SINHCAF: variants seen among roughly 807,000 people sequenced by gnomAD.
SINHCAF encodes SIN3-HDAC complex-associated factor.
SINHCAF carries 3 observed loss-of-function variants against 25.8 expected under a neutral mutation model. The ratio of observed to expected loss-of-function variants is 0.12; its 90% CI spans 0.05 to 0.30. The LOEUF (loss-of-function observed/expected upper bound fraction) is 0.30, where lower values mean the gene tolerates loss of function less well. SINHCAF is among the 10% of genes least tolerant of loss of function. SINHCAF has a pLI of 1.00. For missense variants in SINHCAF, 121 were observed against 262.3 expected (o/e 0.46, Z 3.72); for synonymous variants, 70 against 85.5 (o/e 0.82, Z 1.00).
chr12:31,300,484 A>G (rs1938742961), intron 1 of SINHCAF, among the ~76,000 whole-genome samples: 1 of 152,218 alleles, frequency 6.6e-6, no homozygotes, highest in Non-Finnish European at 1.5e-5. Context: ...ATGCTTGGGA[A>G]TTTGATGTCT....
intron 4 of SINHCAF, among the ~76,000 whole-genome samples, chr12:31,289,803 T>G (rs372112943): frequency 9.7e-5 from 14 of 144,244 alleles, no homozygotes; most frequent in South Asian, 4.2e-4. Flanking sequence ...AATTTGGGTT[T>G]TTTTTTTTTT....
Position 31,313,351 on chromosome 12 carries a change from C to T in SINHCAF, c.-21+12673G>A, listed in dbSNP as rs185864032. Among the ~76,000 whole-genome samples, 7 of 152,268 alleles carry T rather than the reference C, an allele frequency of 4.6e-5. No homozygotes were observed. The East Asian group carries it at 1.4e-3, about 30-fold the overall frequency. The stretch of plus-strand genomic sequence containing the variant: ...CAAGATCACTCTTTTCTTTATTGCA[C>T]TGCAGTGGTACTGCTGTCATAAATT... On this transcript the variant is annotated intron_variant, in intron 1 of 5. Coordinates refer to ENST00000337682, the MANE Select transcript of SINHCAF (RefSeq NM_001135812.2).
intron 1 of SINHCAF, among the ~76,000 whole-genome samples, chr12:31,314,339 A>C (rs570486258): frequency 1.7e-4 from 26 of 151,964 alleles, no homozygotes; most frequent in Non-Finnish European, 3.1e-4. Context: ...CCTGCCTAAC[A>C]CGGTGAAACC....
At chr12:31,299,320 A>T (rs569586259) in intron 1 of SINHCAF, among the ~76,000 whole-genome samples, 45 of 133,898 alleles carry the variant, frequency 3.4e-4, no homozygotes, top group East Asian at 1.1e-3. Flanking sequence ...AAAGAAAAAA[A>T]TTTTTTTTTT....
intron 1 of SINHCAF, among the ~76,000 whole-genome samples, chr12:31,301,028 C>A (rs1297755304): frequency 6.6e-6 from 1 of 152,166 alleles, no homozygotes; most frequent in Non-Finnish European, 1.5e-5. Flanking sequence ...ATAAACAAGT[C>A]CTCAAAGCTA....
chr12:31,282,891 A>T lies in SINHCAF; in HGVS notation c.507-20T>A. 6.4e-7 allele frequency: 1 copy of T among 1,563,468 alleles called. No individual in the cohort carries two copies. The highest frequency in any genetic ancestry group is 1.2e-5 in the South Asian group (1 of 84,316). ...TTCTGTCTAAAAGAAAAAATGGAGA[A>T]CAAGATACATTAATAAGGAAGAAAA... On this transcript the variant is annotated intron_variant, in intron 5 of 5. Coordinates refer to ENST00000337682, the MANE Select transcript of SINHCAF (RefSeq NM_001135812.2).
At chr12:31,309,127 C>CA (rs757095598) in intron 1 of SINHCAF, among the ~76,000 whole-genome samples, 7,688 of 74,470 alleles carry the variant, frequency 0.1, 439 homozygotes, top group Admixed American at 0.19. Flanking sequence ...GATTCTGTCT[C>CA]AAAAAAAAAA....
At chr12:31,285,454 C>CAT (rs57304714) in intron 5 of SINHCAF, among the ~76,000 whole-genome samples, 15 of 151,152 alleles carry the variant, frequency 9.9e-5, no homozygotes, top group Non-Finnish European at 1.8e-4. Flanking sequence ...CACACACACA[C>CAT]ATAAATAAAT....
intron 1 of SINHCAF, among the ~76,000 whole-genome samples, chr12:31,307,721 A>G (rs1002235579): frequency 6.6e-6 from 1 of 152,218 alleles, no homozygotes; most frequent in African/African-American, 2.4e-5. Flanking sequence ...GAATGAAGGC[A>G]GTAAGGGAGA....
chr12:31,290,729 T>C (rs191869608), intron 4 of SINHCAF, among the ~76,000 whole-genome samples: 55 of 152,336 alleles, frequency 3.6e-4, no homozygotes, highest in Admixed American at 3.0e-3. Flanking sequence ...GTTTTGTTTT[T>C]GTTTTCGGAG....
intron 1 of SINHCAF, among the ~76,000 whole-genome samples, chr12:31,315,918 C>T (rs181200916): frequency 1.3e-3 from 192 of 152,304 alleles, no homozygotes; most frequent in African/African-American, 4.5e-3. Context: ...ATAATCCCAG[C>T]ACTTTGGGAT....
chr12:31,295,425 G>A, intron 2 of SINHCAF, 92 bp from the exon 3 acceptor site: 4 of 793,158 alleles, frequency 5.0e-6, no homozygotes, highest in Non-Finnish European at 8.7e-6. Context: ...CTGTATCTAT[G>A]TATGGTTTAT....
rs1555113698 is a variant in SINHCAF, at chr12:31,299,320, A to AATTAT, written c.-20-1097_-20-1096insATAAT. Reference sequence around the variant, plus strand: ...CATAAAGCAACAATAAAAGAAAAAAATTTTTTTTTTTTTGGAGACAGAGTC... The same window carrying AATTAT: ...CATAAAGCAACAATAAAAGAAAAAAAATTATTTTTTTTTTTTTTGGAGACAGAGTC... On this transcript the variant is annotated intron_variant, in intron 1 of 5. Transcript: ENST00000337682. 6.8e-3 allele frequency among the ~76,000 whole-genome samples: 909 copies of AATTAT among 133,888 alleles called. 12 individuals carry two copies. The highest frequency in any genetic ancestry group is 0.027 in the African/African-American group (862 of 32,134). The allele number at this position is 133,888 out of a possible 152,430, so 87.8% of individuals were successfully genotyped here.
Position 31,324,040 on chromosome 12 carries a change from A to G in SINHCAF, c.-21+1984T>C. On this transcript the variant is annotated intron_variant, in intron 1 of 5. Transcript: ENST00000337682. The surrounding 1 kb of genome is among the most constrained non-coding windows in gnomAD (Gnocchi z 5.5). ...AATGCTCCCTGGTGGATTTGTTGGT[A>G]AATAAGACATCTCGCGTCGGGAGGA... The G allele has an allele frequency of 2.2e-6, 1 of 455,080 alleles. No homozygotes were observed. 28.2% of individuals were successfully genotyped at this position (455,080 alleles called of 1,614,324 possible). A position where few individuals can be genotyped will look rare whatever the true frequency, so the allele number is the denominator to read the frequency against.
chr12:31,320,933 A>C (rs1280375754), intron 1 of SINHCAF, among the ~76,000 whole-genome samples: 2 of 152,224 alleles, frequency 1.3e-5, no homozygotes, highest in Non-Finnish European at 2.9e-5. Context: ...AAGCCAAACC[A>C]AACTTATAAT....
At chr12:31,309,397 G>A (rs1011410527) in intron 1 of SINHCAF, among the ~76,000 whole-genome samples, 1 of 152,136 alleles carries the variant, frequency 6.6e-6, no homozygotes, top group Non-Finnish European at 1.5e-5. Flanking sequence ...TGCCATAGTG[G>A]CTATTATTTT....
intron 1 of SINHCAF, among the ~76,000 whole-genome samples, chr12:31,298,914 C>T (rs1938659311): frequency 6.6e-6 from 1 of 152,274 alleles, no homozygotes; most frequent in East Asian, 1.9e-4. Context: ...TGTCTGACCG[C>T]TGATCTGCCC....
At chr12:31,283,005 G>C (rs1014689935) in intron 5 of SINHCAF, 134 bp from the exon 6 acceptor site, 21 of 629,624 alleles carry the variant, frequency 3.3e-5, no homozygotes, top group South Asian at 7.3e-5. Context: ...CATTCCAAGT[G>C]AAAGGGCTCC....
chr12:31,322,835 G>C (rs1238933682), intron 1 of SINHCAF, among the ~76,000 whole-genome samples: 1 of 152,182 alleles, frequency 6.6e-6, no homozygotes, highest in Non-Finnish European at 1.5e-5. Flanking sequence ...AGATATGGTG[G>C]TGGGTATCGG....
Sources: allele counts gnomAD v4.1 joint callset (sites outside exome capture counted in the v4.1 genomes callset), GRCh38; gene constraint gnomAD v4.1.1; non-coding constraint Gnocchi (gnomAD v3.1); transcripts MANE v1.5; gene names NCBI Gene and HGNC (gene_info 2026-07-23, HGNC 2026-07-21).